XPO4: variants seen among roughly 807,000 people sequenced by gnomAD.
XPO4 encodes the protein exportin 4.
XPO4 carries 39 observed loss-of-function variants against 143.0 expected under a neutral mutation model. The ratio of observed to expected loss-of-function variants is 0.27; its 90% confidence interval spans 0.21 to 0.36. XPO4 has a LOEUF of 0.36. Among genes scored for constraint, XPO4 ranks in the 10% least tolerant of loss-of-function variants. The pLI is 1.00. For synonymous variants in XPO4, 439 were observed against 474.0 expected, an observed-to-expected ratio of 0.93 and a Z score of 0.96; for missense variants, 907 against 1,348.0, an observed-to-expected ratio of 0.67 and a Z score of 5.12.
chr13:20,800,119 A>G (rs752292809), intron 15 of XPO4, 37 bp downstream of exon 15: 31 of 1,611,100 alleles, frequency 1.9e-5, no homozygotes, highest in Non-Finnish European at 2.5e-5. Flanking sequence ...TCACCCACAC[A>G]CATACACACA....
At chr13:20,820,831 T>C (rs1450843464) in intron 9 of XPO4, among the ~76,000 whole-genome samples, 2 of 152,214 alleles carry the variant, frequency 1.3e-5, no homozygotes, top group East Asian at 3.9e-4. Context: ...CACATACACG[T>C]TGGCAGAATC....
intron 6 of XPO4, among the ~76,000 whole-genome samples, chr13:20,837,935 T>C (rs906977975): frequency 6.6e-6 from 1 of 152,064 alleles, no homozygotes; most frequent in Non-Finnish European, 1.5e-5. Context: ...CAAGATGAGA[T>C]TTGGGTGGGG....
chr13:20,854,799 T>C (rs185468200), intron 4 of XPO4, among the ~76,000 whole-genome samples: 34 of 151,816 alleles, frequency 2.2e-4, no homozygotes, highest in African/African-American at 7.5e-4. Flanking sequence ...GACAGGAGAG[T>C]GGAGAGGGTG....
At chr13:20,893,354 T>C (rs376643871) in intron 1 of XPO4, among the ~76,000 whole-genome samples, 117 of 152,302 alleles carry the variant, frequency 7.7e-4, no homozygotes, top group African/African-American at 2.8e-3. Flanking sequence ...AACAGTCTTA[T>C]GGCTCGGATA....
chr13:20,880,035 G>T (rs2060391995), intron 1 of XPO4, among the ~76,000 whole-genome samples: 1 of 152,200 alleles, frequency 6.6e-6, no homozygotes, highest in Non-Finnish European at 1.5e-5. Context: ...ACATCCATGA[G>T]AACAGACATA....
At chr13:20,810,053 T>A in intron 9 of XPO4, 86 bp from the exon 10 acceptor site, 1 of 1,155,674 alleles carries the variant, frequency 8.7e-7, no homozygotes, top group Non-Finnish European at 1.1e-6. Context: ...ACAAATAGTT[T>A]AAATTTTTCC....
intron 3 of XPO4, among the ~76,000 whole-genome samples, chr13:20,860,479 A>G (rs2060186454): frequency 6.6e-6 from 1 of 152,230 alleles, no homozygotes; most frequent in Admixed American, 6.5e-5. Flanking sequence ...CAAAACACGT[A>G]TCTCTTCCAT....
At chr13:20,815,833 G>C (rs189449988) in intron 9 of XPO4, among the ~76,000 whole-genome samples, 1 of 152,266 alleles carries the variant, frequency 6.6e-6, no homozygotes, top group Admixed American at 6.5e-5. Flanking sequence ...TCAACTATCA[G>C]AGATTGTAGA....
At chr13:20,901,605 T>C (rs1223679537) in intron 1 of XPO4, among the ~76,000 whole-genome samples, 1 of 152,258 alleles carries the variant, frequency 6.6e-6, no homozygotes, top group Non-Finnish European at 1.5e-5. Context: ...CTGCTTTTAT[T>C]AGACTTCTCG....
chr13:20,809,727 T>C (rs1489060261), intron 10 of XPO4, 64 bp downstream of exon 10: 2 of 1,497,502 alleles, frequency 1.3e-6, no homozygotes, highest in Non-Finnish European at 1.8e-6. Context: ...ATATAATGTG[T>C]AACATGGTAA....
Position 20,783,641 on chromosome 13 carries a change from A to C in XPO4, c.*81T>G, listed in dbSNP as rs2059165469. On this transcript the variant is annotated 3_prime_UTR_variant, in exon 23 of 23. Coordinates refer to ENST00000255305, the MANE Select transcript of XPO4 (RefSeq NM_022459.5). ...CCAAAATGGCCAAATGAACTGAGGA[A>C]TAGGACAAGACTCAAGTCAACTTTC... is the stretch of plus-strand genomic sequence containing the variant. 6.8e-7 allele frequency: 1 copy of C among 1,473,410 alleles called. No individual in the cohort carries two copies. The highest frequency in any genetic ancestry group is 2.3e-5 in the East Asian group (1 of 44,106). 91.3% of individuals were successfully genotyped at this position (1,473,410 alleles called of 1,614,324 possible). A position where few individuals can be genotyped will look rare whatever the true frequency, so the allele number is the denominator to read the frequency against.
intron 1 of XPO4, chr13:20,869,377 G>T: frequency 9.9e-6 from 3 of 303,940 alleles, no homozygotes; most frequent in Non-Finnish European, 1.4e-5. Flanking sequence ...AATCTTCTGA[G>T]CCAGATCTAC....
chr13:20,808,503 T>C lies in XPO4; in HGVS notation c.1572A>G (p.Ser524=), dbSNP rs761989992. 1 of 1,574,702 alleles carries C rather than the reference T, an allele frequency of 6.4e-7. No homozygotes were observed. Among genetic ancestry groups the C allele is most frequent in the Non-Finnish European group, 8.7e-7 (1 of 1,151,228 alleles). ...HQQQLLASPG[S]STVDNKMLDD... ...CAAGCATTTTGTTGTCAACAGTGCT[T>C]GAACCCGGTGAAGCAAGTAACTGTT... The change falls in exon 12 of 23, where the codon TCA becomes TCG. Residue 524 remains serine (S), a synonymous_variant. Transcript: ENST00000255305.
chr13:20,829,028 A>G (rs1232341971), intron 6 of XPO4, among the ~76,000 whole-genome samples: 1 of 152,246 alleles, frequency 6.6e-6, no homozygotes, highest in African/African-American at 2.4e-5. Context: ...GAAATTTTCC[A>G]CAATAACGGG....
In XPO4 at chr13:20,778,969, A is replaced by C. The variant is rs1277608909; in HGVS notation, c.*4753T>G. The C allele has an allele frequency of 6.6e-6, 1 of 152,198 alleles. No homozygotes were observed. Among genetic ancestry groups the C allele is most frequent in the Non-Finnish European group, 1.5e-5 (1 of 68,036 alleles). The allele number at this position is 152,198 out of a possible 1,614,324, so 9.4% of individuals were successfully genotyped here. ...ATTTTATCAACCTGATATTCAGCCT[A>C]TAACTGGCTCAATACATAGCCTTAT... On this transcript the variant is annotated 3_prime_UTR_variant, in exon 23 of 23. Transcript: ENST00000255305.
chr13:20,817,563 T>C (rs888919381), intron 9 of XPO4, among the ~76,000 whole-genome samples: 2 of 152,160 alleles, frequency 1.3e-5, no homozygotes, highest in African/African-American at 4.8e-5. Flanking sequence ...AAAATGCATA[T>C]ACAAAATACC....
intron 3 of XPO4, among the ~76,000 whole-genome samples, chr13:20,857,381 A>G (rs1315446712): frequency 1.3e-5 from 2 of 152,194 alleles, no homozygotes; most frequent in East Asian, 3.8e-4. Flanking sequence ...TTTCACAAAT[A>G]TTAACACATC....
chr13:20,788,447 C>CCAAGTAA, intron 20 of XPO4, 39 bp downstream of exon 20: 1 of 1,576,610 alleles, frequency 6.3e-7, no homozygotes, highest in Non-Finnish European at 8.6e-7. Flanking sequence ...ATCTTTTTCC[C>CCAAGTAA]CAAGTAACAA....
In XPO4 at chr13:20,783,674, C is replaced by T. The variant is rs2059165939; in HGVS notation, c.*48G>A. 6.3e-7 allele frequency: 1 copy of T among 1,587,988 alleles called. No individual in the cohort carries two copies. Among genetic ancestry groups the T allele is most frequent in the Admixed American group, 1.7e-5 (1 of 59,896 alleles). ...AGACTCAAGTCAACTTTCAGCAATT[C>T]AGTGCACTTTGCAGAAAGGATCTAA... On this transcript the variant is annotated 3_prime_UTR_variant, in exon 23 of 23. Coordinates refer to ENST00000255305, the MANE Select transcript of XPO4 (RefSeq NM_022459.5).
Sources: allele counts gnomAD v4.1 joint callset (sites outside exome capture counted in the v4.1 genomes callset), GRCh38; gene constraint gnomAD v4.1.1; transcripts MANE v1.5; gene names NCBI Gene and HGNC (gene_info 2026-07-23, HGNC 2026-07-21).